The following RNF228 variants were observed in gnomAD, a reference collection of about 807,000 sequenced individuals.
RNF228 encodes the protein ring finger protein 228.
the RNF228 span, among the ~76,000 whole-genome samples, chr2:222,316,821 G>T: frequency 0.014 from 2,137 of 152,306 alleles, 20 homozygotes; most frequent in Middle Eastern, 0.027. Context: ...AATAAAGAAT[G>T]AATAAGAGGT....
At chr2:222,316,997 T>C in the RNF228 span, among the ~76,000 whole-genome samples, 8 of 152,342 alleles carry the variant, frequency 5.3e-5, no homozygotes, top group Non-Finnish European at 1.0e-4. Context: ...GTAGTAAATA[T>C]GTAAGTTACT....
chr2:222,319,967 C>T, the RNF228 span, among the ~76,000 whole-genome samples: 1 of 152,136 alleles, frequency 6.6e-6, no homozygotes, highest in Non-Finnish European at 1.5e-5. This position sits in a 1 kb window ranked among gnomAD's most constrained non-coding sequence, Gnocchi z 7.6. Context: ...CTCCGCAGTC[C>T]GGGGCTCCCT....
At chr2:222,314,423 T>C in the RNF228 span, among the ~76,000 whole-genome samples, 3 of 152,236 alleles carry the variant, frequency 2.0e-5, no homozygotes, top group Non-Finnish European at 4.4e-5. Context: ...TTTCTAACAT[T>C]CATTTCAGAA....
chr2:222,315,661 A>G, the RNF228 span, among the ~76,000 whole-genome samples: 1 of 152,118 alleles, frequency 6.6e-6, no homozygotes, highest in African/African-American at 2.4e-5. Context: ...TGAGACTCAA[A>G]GGAGGTTAAA....
At chr2:222,314,524 G>A in the RNF228 span, among the ~76,000 whole-genome samples, 1 of 152,344 alleles carries the variant, frequency 6.6e-6, no homozygotes, top group Middle Eastern at 3.4e-3. Context: ...AGGAAGACGT[G>A]TAATGCATAT....
At chr2:222,318,771 AC>A in the RNF228 span, 2,236 of 102,178 alleles carry the variant, frequency 0.022, 32 homozygotes, top group South Asian at 0.065. Flanking sequence ...GGCAAAAGAG[AC>A]CCCCCCCCCC....
chr2:222,314,399 T>G, the RNF228 span, among the ~76,000 whole-genome samples: 1 of 152,346 alleles, frequency 6.6e-6, no homozygotes, highest in African/African-American at 2.4e-5. Flanking sequence ...CAAACTAAGA[T>G]CTGGCTGCAG....
the RNF228 span, chr2:222,318,454 C>T: frequency 6.6e-6 from 1 of 152,316 alleles, no homozygotes; most frequent in Non-Finnish European, 1.5e-5. Flanking sequence ...CAGGATCTCT[C>T]CCTTTCCAGG....
chr2:222,316,571 G>A, the RNF228 span, among the ~76,000 whole-genome samples: 1 of 152,268 alleles, frequency 6.6e-6, no homozygotes, highest in South Asian at 2.1e-4. Context: ...AAAGAAACCT[G>A]GTGCCCAAAG....
At chr2:222,316,937 A>T in the RNF228 span, among the ~76,000 whole-genome samples, 2 of 152,238 alleles carry the variant, frequency 1.3e-5, no homozygotes, top group Non-Finnish European at 2.9e-5. Context: ...CATTTCATAG[A>T]AGGCAAGAAC....
At chr2:222,319,737 G>T in the RNF228 span, among the ~76,000 whole-genome samples, 1 of 145,932 alleles carries the variant, frequency 6.9e-6, no homozygotes, top group African/African-American at 2.5e-5. This position sits in a 1 kb window ranked among gnomAD's most constrained non-coding sequence, Gnocchi z 7.6. Context: ...GAGCCAGGGC[G>T]GCGGGCGCGG....
At chr2:222,316,370 G>A in the RNF228 span, among the ~76,000 whole-genome samples, 1 of 152,200 alleles carries the variant, frequency 6.6e-6, no homozygotes, top group African/African-American at 2.4e-5. Context: ...GATCTGCTAA[G>A]TGTGTCTCTT....
chr2:222,319,760 CGCGGCGGCAGCGGCGGCG>C, the RNF228 span, among the ~76,000 whole-genome samples: 7 of 141,440 alleles, frequency 4.9e-5, no homozygotes, highest in Non-Finnish European at 9.3e-5. The surrounding 1 kb of genome is among the most constrained non-coding windows in gnomAD (Gnocchi z 7.6). Flanking sequence ...GGCGCTCAGG[CGCGGCGGCAGCGGCGGCG>C]GCGGCGGCGG....
chr2:222,318,771 A>ACCCCCC, the RNF228 span: 1 of 102,348 alleles, frequency 9.8e-6, no homozygotes, highest in Admixed American at 9.8e-5. Flanking sequence ...GGCAAAAGAG[A>ACCCCCC]CCCCCCCCCC....
the RNF228 span, among the ~76,000 whole-genome samples, chr2:222,319,535 G>C: frequency 4.9e-4 from 72 of 145,516 alleles, 1 homozygote; most frequent in Middle Eastern, 0.01. This position sits in a 1 kb window ranked among gnomAD's most constrained non-coding sequence, Gnocchi z 7.6. Flanking sequence ...TGGGCGGCGG[G>C]GCAGCAGCGG....
chr2:222,318,546 A>C, the RNF228 span: 1 of 152,154 alleles, frequency 6.6e-6, no homozygotes, highest in Non-Finnish European at 1.5e-5. Context: ...GTCCATTCAC[A>C]GCCGCCACAG....
At chr2:222,316,462 T>C in the RNF228 span, among the ~76,000 whole-genome samples, 6 of 152,252 alleles carry the variant, frequency 3.9e-5, no homozygotes, top group Non-Finnish European at 8.8e-5. Flanking sequence ...ATGTGGCTTC[T>C]GTTGCCATCG....
the RNF228 span, among the ~76,000 whole-genome samples, chr2:222,315,014 A>G: frequency 6.6e-6 from 1 of 152,212 alleles, no homozygotes; most frequent in Admixed American, 6.5e-5. Flanking sequence ...CTGAATATAA[A>G]ACAGTAAGAG....
the RNF228 span, among the ~76,000 whole-genome samples, chr2:222,320,055 G>A: frequency 2.6e-5 from 4 of 152,124 alleles, no homozygotes; most frequent in East Asian, 7.8e-4. Flanking sequence ...GTCGCTCGCC[G>A]GCGCTGCCAT....
Sources: gnomAD v4.1 joint callset for allele counts (sites outside exome capture counted in the v4.1 genomes callset) on GRCh38, gnomAD v4.1.1 for gene constraint, Gnocchi (gnomAD v3.1) non-coding constraint, MANE v1.5 for transcripts, NCBI Gene and HGNC (gene_info 2026-07-23, HGNC 2026-07-21) for gene names.